TFB1M: variants seen among roughly 807,000 people sequenced by gnomAD.
TFB1M encodes the protein transcription factor B1, mitochondrial.
Under a neutral mutation model 31.1 loss-of-function variants are expected in TFB1M, and 27 were observed. The ratio of observed to expected loss-of-function variants is 0.87; its 90% CI spans 0.64 to 1.20. TFB1M has a LOEUF of 1.20. Among genes scored for constraint, TFB1M ranks in the 50% most tolerant of loss-of-function variants. TFB1M has a pLI of 0.00. For synonymous variants in TFB1M, 166 were observed against 151.8 expected (o/e 1.09, Z -0.69); for missense variants, 394 against 418.7 (o/e 0.94, Z 0.51).
At chr6:155,299,152 A>G (rs556133663) in intron 2 of TFB1M, among the ~76,000 whole-genome samples, 2 of 152,200 alleles carry the variant, frequency 1.3e-5, no homozygotes, top group South Asian at 4.2e-4. Context: ...CCTAATCTTA[A>G]TATTTGTTGA....
intron 5 of TFB1M, among the ~76,000 whole-genome samples, chr6:155,263,779 A>T (rs1784496807): frequency 6.6e-6 from 1 of 152,224 alleles, no homozygotes; most frequent in Admixed American, 6.5e-5. Context: ...ACATGCACAG[A>T]CACAGAAACA....
At chr6:155,236,585 C>T in the TFB1M span, among the ~76,000 whole-genome samples, 1 of 152,172 alleles carries the variant, frequency 6.6e-6, no homozygotes, top group Admixed American at 6.5e-5. Flanking sequence ...ATTGCTTGCA[C>T]CCGGGAGGCA....
chr6:155,263,212 T>C (rs1344251946), intron 5 of TFB1M, among the ~76,000 whole-genome samples: 1 of 152,182 alleles, frequency 6.6e-6, no homozygotes, highest in Non-Finnish European at 1.5e-5. Context: ...TGGTAACGAA[T>C]ACAAAAATGT....
At chr6:155,258,185 G>A in intron 6 of TFB1M, 103 bp from the exon 7 acceptor site, 2 of 1,375,962 alleles carry the variant, frequency 1.5e-6, no homozygotes, top group Non-Finnish European at 2.0e-6. Context: ...CACAGTTGCT[G>A]GCTACTGACA....
the TFB1M span, among the ~76,000 whole-genome samples, chr6:155,250,321 A>G: frequency 7.4e-6 from 1 of 135,760 alleles, no homozygotes; most frequent in Admixed American, 7.7e-5. Flanking sequence ...AACATCAAAT[A>G]TTGGTGGTTA....
At chr6:155,242,288 A>T in the TFB1M span, among the ~76,000 whole-genome samples, 3 of 152,322 alleles carry the variant, frequency 2.0e-5, no homozygotes, top group African/African-American at 7.2e-5. Flanking sequence ...GTTGTGATTC[A>T]CACACACACC....
At chr6:155,313,684 T>C (rs1472254740) in intron 1 of TFB1M, among the ~76,000 whole-genome samples, 1 of 152,350 alleles carries the variant, frequency 6.6e-6, no homozygotes, top group East Asian at 1.9e-4. Context: ...GGTGTGGGAA[T>C]GTAAACTTGC....
chr6:155,244,230 C>G, the TFB1M span: 1 of 747,448 alleles, frequency 1.3e-6, no homozygotes, highest in Non-Finnish European at 2.2e-6. Flanking sequence ...TAGCCTCCTC[C>G]TAAACCACTG....
chr6:155,250,693 G>A, the TFB1M span: 8 of 1,384,138 alleles, frequency 5.8e-6, no homozygotes, highest in Non-Finnish European at 6.9e-6. Flanking sequence ...GTGCACTGGA[G>A]CAAAATGCCT....
downstream of TFB1M, chr6:155,255,531 G>A (rs1783944707): frequency 6.6e-6 from 1 of 151,842 alleles, no homozygotes; most frequent in South Asian, 2.1e-4. Context: ...AAATAAACTG[G>A]CCATCAAAAT....
At chr6:155,240,494 C>G in the TFB1M span, 1 of 1,573,286 alleles carries the variant, frequency 6.4e-7, no homozygotes, top group Non-Finnish European at 8.7e-7. Flanking sequence ...CAGGGAGAGG[C>G]CCGTGCATTA....
chr6:155,244,139 TAGC>T, the TFB1M span: 24 of 1,452,796 alleles, frequency 1.7e-5, no homozygotes, highest in Non-Finnish European at 2.3e-5. Context: ...GTTTGCCTTT[TAGC>T]AGAACTCCTA....
chr6:155,237,288 G>A, the TFB1M span, among the ~76,000 whole-genome samples: 1 of 152,252 alleles, frequency 6.6e-6, no homozygotes, highest in Admixed American at 6.5e-5. Flanking sequence ...TGATGCAAGA[G>A]GTGGGTTCTC....
At chr6:155,305,179 T>C (rs1275066505) in intron 2 of TFB1M, among the ~76,000 whole-genome samples, 6 of 90,894 alleles carry the variant, frequency 6.6e-5, no homozygotes, top group Non-Finnish European at 9.5e-5. Context: ...TATTTATATA[T>C]ATATTAAATT....
chr6:155,270,169 G>T (rs773129930), intron 5 of TFB1M, among the ~76,000 whole-genome samples: 1 of 152,214 alleles, frequency 6.6e-6, no homozygotes, highest in Non-Finnish European at 1.5e-5. Context: ...TGCCACTAAT[G>T]AACCTGGGAA....
the TFB1M span, among the ~76,000 whole-genome samples, chr6:155,238,865 G>A: frequency 1.3e-5 from 2 of 152,282 alleles, no homozygotes; most frequent in African/African-American, 4.8e-5. Context: ...GCCCTCAATT[G>A]ATGACCACTG....
Position 155,314,343 on chromosome 6 carries a change from G to A in TFB1M, c.86C>T (p.Ala29Val). ...GAAATTCTGTGATAGCTGCTTCGCT[G>A]CTTGCAGTCTTAACAACTTAATGAT... ...REIIKLLRLQ[A>V]AKQLSQNFLL... is the part of the protein sequence containing the mutation. Residue 29 changes from alanine (A) to valine (V), a missense_variant, in exon 1 of 7, where the codon GCA becomes GTA. Ala to Val is a moderately conservative substitution (Grantham distance 64, BLOSUM62 0). Transcript: ENST00000367166. 2 of 1,614,228 alleles carry A rather than the reference G, an allele frequency of 1.2e-6. No individual in the cohort carries two copies. Among genetic ancestry groups the A allele is most frequent in the Non-Finnish European group, 1.7e-6 (2 of 1,180,034 alleles).
At chr6:155,306,499 C>T (rs537701758) in intron 2 of TFB1M, among the ~76,000 whole-genome samples, 1 of 152,012 alleles carries the variant, frequency 6.6e-6, no homozygotes, top group African/African-American at 2.4e-5. Flanking sequence ...TGAATAGATT[C>T]ACAAATTTGG....
At chr6:155,312,778 T>C (rs1778070815) in intron 1 of TFB1M, among the ~76,000 whole-genome samples, 1 of 151,880 alleles carries the variant, frequency 6.6e-6, no homozygotes, top group African/African-American at 2.4e-5. Flanking sequence ...CATGAGAAAA[T>C]GTATTTGAAG....
Sources: allele counts gnomAD v4.1 joint callset (sites outside exome capture counted in the v4.1 genomes callset), GRCh38; gene constraint gnomAD v4.1.1; transcripts MANE v1.5; gene names NCBI Gene and HGNC (gene_info 2026-07-23, HGNC 2026-07-21).